ALMS1: variants seen among roughly 807,000 people sequenced by gnomAD.
ALMS1 encodes ALMS1 centrosome and basal body associated protein, also known as centrosome-associated protein ALMS1.
ALMS1 carries 271 observed loss-of-function variants against 352.2 expected under a neutral mutation model. That is an observed-to-expected ratio of 0.77 (90% CI 0.70 to 0.85). The LOEUF (loss-of-function observed/expected upper bound fraction) is 0.85, where lower values mean the gene tolerates loss of function less well. ALMS1 is among the 40% of genes least tolerant of loss of function. ALMS1 has a pLI of 0.00. For synonymous variants in ALMS1, 1,865 were observed against 1,761.2 expected, an observed-to-expected ratio of 1.06 and a Z score of -1.48; for missense variants, 5,445 against 4,870.7, an observed-to-expected ratio of 1.12 and a Z score of -3.51.
chr2:73,451,307 G>A lies in ALMS1; in HGVS notation c.4780G>A (p.Ala1594Thr), dbSNP rs1314970068. 1 of 1,614,028 alleles carries A rather than the reference G, an allele frequency of 6.2e-7. No homozygotes were observed. The highest frequency in any genetic ancestry group is 1.7e-5 in the Admixed American group (1 of 59,988). Residue 1594 changes from alanine to threonine, a missense_variant, in exon 8 of 23, where the codon GCT (alanine) becomes ACT (threonine). Ala to Thr is a moderately conservative substitution (Grantham distance 58, BLOSUM62 0). Coordinates refer to ENST00000613296, the MANE Select transcript of ALMS1 (RefSeq NM_001378454.1). Reference sequence around the variant, plus strand: ...TCCAGATGGTCATCTACCTGAAGAGGCTCTGAAAGTTTCCATTGTTTCTGG... The same window carrying A: ...TCCAGATGGTCATCTACCTGAAGAGACTCTGAAAGTTTCCATTGTTTCTGG... ...AFPDGHLPEE[A>T]LKVSIVSGPT...
chr2:73,494,824 C>G (rs1673070043), intron 10 of ALMS1, among the ~76,000 whole-genome samples: 1 of 152,168 alleles, frequency 6.6e-6, no homozygotes, highest in Non-Finnish European at 1.5e-5. Flanking sequence ...TTTGGAGATA[C>G]TAAACATTTG....
At chr2:73,467,194 AAAGTC>A (rs2103832253) in intron 9 of ALMS1, among the ~76,000 whole-genome samples, 1 of 152,290 alleles carries the variant, frequency 6.6e-6, no homozygotes, top group African/African-American at 2.4e-5. Context: ...TGAAGAGTGA[AAAGTC>A]AAGCTACACA....
At chr2:73,480,927 G>T (rs1284895645) in intron 9 of ALMS1, among the ~76,000 whole-genome samples, 3 of 144,632 alleles carry the variant, frequency 2.1e-5, no homozygotes, top group Non-Finnish European at 4.5e-5. Context: ...GGGGTTGTTT[G>T]TTTTTTTCTT....
intron 9 of ALMS1, among the ~76,000 whole-genome samples, chr2:73,484,782 T>C (rs1672789956): frequency 6.6e-6 from 1 of 152,134 alleles, no homozygotes; most frequent in South Asian, 2.1e-4. Flanking sequence ...TTCTTTTTAT[T>C]CTTTTTTCTC....
At chr2:73,400,803 T>C (rs1388816733) in intron 1 of ALMS1, among the ~76,000 whole-genome samples, 3 of 152,182 alleles carry the variant, frequency 2.0e-5, no homozygotes, top group African/African-American at 4.8e-5. Context: ...TTTTCTTTTT[T>C]TTGAGACAGA....
chr2:73,564,465 CAA>C (rs367797062), intron 15 of ALMS1, among the ~76,000 whole-genome samples: 155 of 63,344 alleles, frequency 2.4e-3, no homozygotes, highest in African/African-American at 6.7e-3. Flanking sequence ...GACTCCGTCT[CAA>C]AAAAAAAAAA....
intron 1 of ALMS1, among the ~76,000 whole-genome samples, chr2:73,386,643 C>G (rs1670540671): frequency 6.6e-6 from 1 of 152,106 alleles, no homozygotes; most frequent in African/African-American, 2.4e-5. Flanking sequence ...CGCGCGATCA[C>G]TTAGTCTGGA....
chr2:73,385,771 T>G, upstream of ALMS1: 9 of 582,158 alleles, frequency 1.5e-5, no homozygotes, highest in South Asian at 1.8e-4. Context: ...CGGGCGGCAC[T>G]GCGCCTAAGC....
chr2:73,414,025 T>C (rs1671130858), intron 2 of ALMS1, among the ~76,000 whole-genome samples: 1 of 152,220 alleles, frequency 6.6e-6, no homozygotes, highest in South Asian at 2.1e-4. Context: ...TCTATATAAA[T>C]TTTAGAATTA....
At chr2:73,443,688 T>C (rs1671758992) in intron 7 of ALMS1, among the ~76,000 whole-genome samples, 1 of 152,178 alleles carries the variant, frequency 6.6e-6, no homozygotes, top group East Asian at 1.9e-4. Context: ...AGCTACTCAA[T>C]AAATATCTGT....
chr2:73,605,737 G>A (rs549352141), intron 21 of ALMS1, among the ~76,000 whole-genome samples: 1 of 152,114 alleles, frequency 6.6e-6, no homozygotes, highest in Non-Finnish European at 1.5e-5. Context: ...CAGCTACTCT[G>A]GAGGCTGAGG....
At chr2:73,513,478 C>T (rs972417959) in intron 10 of ALMS1, among the ~76,000 whole-genome samples, 5 of 152,152 alleles carry the variant, frequency 3.3e-5, no homozygotes, top group African/African-American at 1.2e-4. Context: ...ATTTAGACAG[C>T]CTCCTCACTC....
chr2:73,478,118 A>G (rs1216257355), intron 9 of ALMS1, among the ~76,000 whole-genome samples: 2 of 152,142 alleles, frequency 1.3e-5, no homozygotes, highest in African/African-American at 2.4e-5. Flanking sequence ...GGTACTCTTC[A>G]TCTGGTTAAA....
intron 19 of ALMS1, among the ~76,000 whole-genome samples, chr2:73,601,976 G>C (rs1201506679): frequency 6.6e-6 from 1 of 152,194 alleles, no homozygotes; most frequent in African/African-American, 2.4e-5. Context: ...GGCCTATGCT[G>C]AAGGCATGTC....
chr2:73,458,109 A>G (rs1672110607), intron 9 of ALMS1: 1 of 150,600 alleles, frequency 6.6e-6, no homozygotes, highest in African/African-American at 2.4e-5. Flanking sequence ...ACTTCACTAT[A>G]CTGTCATTCA....
At chr2:73,556,194 C>T (rs1376676588) in intron 13 of ALMS1, among the ~76,000 whole-genome samples, 1 of 152,036 alleles carries the variant, frequency 6.6e-6, no homozygotes, top group East Asian at 1.9e-4. Flanking sequence ...AACATTAAAA[C>T]ATTTTTTAAT....
chr2:73,479,643 T>G (rs986357733), intron 9 of ALMS1, among the ~76,000 whole-genome samples: 1 of 152,234 alleles, frequency 6.6e-6, no homozygotes, highest in Non-Finnish European at 1.5e-5. Context: ...CTTGGTTGTT[T>G]CCCAGTTTTT....
chr2:73,572,637 C>A lies in ALMS1; in HGVS notation c.10760C>A (p.Thr3587Asn). The change falls in exon 16 of 23, where the codon ACC becomes AAC. Residue 3587 changes from threonine (T) to asparagine (N), a missense_variant. By Grantham distance (65) the Thr-to-Asn change is moderately conservative (BLOSUM62 0). Coordinates refer to ENST00000613296, the MANE Select transcript of ALMS1 (RefSeq NM_001378454.1). ...ISDPQRDQKV[T>N]PEQTTQHTVS... ...GATCCACAAAGGGATCAGAAGGTCA[C>A]CCCAGAGCAAACAACTCAGCACACT... 6.2e-7 allele frequency: 1 copy of A among 1,614,022 alleles called. No homozygotes were observed. The highest frequency in any genetic ancestry group is 8.5e-7 in the Non-Finnish European group (1 of 1,179,992).
intron 10 of ALMS1, among the ~76,000 whole-genome samples, chr2:73,505,713 C>G (rs966584632): frequency 6.6e-6 from 1 of 152,028 alleles, no homozygotes; most frequent in Non-Finnish European, 1.5e-5. Context: ...GATGGATAGA[C>G]TGCAAAATTT....
Sources: gnomAD v4.1 joint callset for allele counts (sites outside exome capture counted in the v4.1 genomes callset) on GRCh38, gnomAD v4.1.1 for gene constraint, MANE v1.5 for transcripts, NCBI Gene and HGNC (gene_info 2026-07-23, HGNC 2026-07-21) for gene names.